The following VPS54 variants were observed in gnomAD, a reference collection of about 807,000 sequenced individuals.
VPS54 encodes vacuolar protein sorting-associated protein 54.
In VPS54, 45 loss-of-function variants were observed where a neutral mutation model predicts 121.5. That is an observed-to-expected ratio of 0.37 (90% CI 0.29 to 0.47). VPS54 has a LOEUF of 0.47. Among genes scored for constraint, VPS54 ranks in the 20% least tolerant of loss-of-function variants. VPS54 has a pLI of 0.99. For missense variants in VPS54, 1,090 were observed against 1,131.4 expected (o/e 0.96, Z 0.52); for synonymous variants, 371 against 385.8 (o/e 0.96, Z 0.45).
chr2:63,957,441 C>CAAAAAAAAAAAAAAAAAAAAAAAAA (rs10551633), intron 7 of VPS54, among the ~76,000 whole-genome samples: 1 of 90,118 alleles, frequency 1.1e-5, no homozygotes, highest in Non-Finnish European at 2.3e-5. Context: ...GACTCCATCT[C>CAAAAAAAAAAAAAAAAAAAAAAAAA]AAAAAAAAAA....
At chr2:63,947,812 C>T (rs1278514881) in intron 8 of VPS54, among the ~76,000 whole-genome samples, 1 of 152,056 alleles carries the variant, frequency 6.6e-6, no homozygotes, top group Admixed American at 6.6e-5. Flanking sequence ...ATAAATACTC[C>T]ATGGGCCCTG....
intron 20 of VPS54, among the ~76,000 whole-genome samples, chr2:63,905,504 C>A (rs1054553653): frequency 6.7e-6 from 1 of 150,026 alleles, no homozygotes; most frequent in Non-Finnish European, 1.5e-5. Flanking sequence ...CCACATAGTT[C>A]TATATGTATT....
chr2:63,948,250 A>AT (rs1675080596), intron 8 of VPS54, among the ~76,000 whole-genome samples: 1 of 148,550 alleles, frequency 6.7e-6, no homozygotes, highest in Non-Finnish European at 1.5e-5. Flanking sequence ...GGTTTCTGGG[A>AT]TTTTTTACTA....
intron 3 of VPS54, among the ~76,000 whole-genome samples, chr2:63,976,326 G>A (rs1347183359): frequency 2.0e-5 from 3 of 149,660 alleles, no homozygotes; most frequent in Non-Finnish European, 4.4e-5. Context: ...ACTCCAGCCT[G>A]GGCAACAGAG....
chr2:63,897,967 C>A (rs955006902), intron 21 of VPS54, among the ~76,000 whole-genome samples: 2 of 152,098 alleles, frequency 1.3e-5, no homozygotes, highest in Non-Finnish European at 2.9e-5. Context: ...GAAATCACTT[C>A]AAAGCATTTT....
At chr2:64,005,185 G>A (rs1243965614) in intron 1 of VPS54, among the ~76,000 whole-genome samples, 1 of 123,360 alleles carries the variant, frequency 8.1e-6, no homozygotes, top group African/African-American at 3.1e-5. Flanking sequence ...CTCACTGCAA[G>A]CTCCGCCTCC....
chr2:63,960,590 C>T (rs1053530995), intron 7 of VPS54, among the ~76,000 whole-genome samples: 3 of 152,274 alleles, frequency 2.0e-5, no homozygotes, highest in African/African-American at 7.2e-5. Flanking sequence ...TATTTCTCAG[C>T]TCTGTACTAT....
In VPS54 at chr2:63,892,787, A is replaced by G. The variant is rs1672276808; in HGVS notation, c.*643T>C. ...GCTTAAGTCTTTCAGGTATTTAGAG[A>G]GCTCTGGAAGGCTTTACCCAGTTGA... On this transcript the variant is annotated 3_prime_UTR_variant, in exon 23 of 23. Coordinates refer to ENST00000272322, the MANE Select transcript of VPS54 (RefSeq NM_016516.3). 1 of 152,238 alleles carries G rather than the reference A, an allele frequency of 6.6e-6. No individual in the cohort carries two copies. Among genetic ancestry groups the G allele is most frequent in the Non-Finnish European group, 1.5e-5 (1 of 68,016 alleles). 9.4% of individuals were successfully genotyped at this position (152,238 alleles called of 1,614,324 possible).
chr2:63,916,091 G>A (rs1439467646), intron 16 of VPS54, among the ~76,000 whole-genome samples: 1 of 152,112 alleles, frequency 6.6e-6, no homozygotes, highest in Non-Finnish European at 1.5e-5. Flanking sequence ...TTGAATTCTG[G>A]CTCCATTTGG....
intron 20 of VPS54, among the ~76,000 whole-genome samples, chr2:63,906,425 A>T (rs1341311969): frequency 1.3e-5 from 2 of 152,232 alleles, no homozygotes; most frequent in African/African-American, 4.8e-5. Flanking sequence ...ACCATGTACA[A>T]TAGCATCAAA....
intron 5 of VPS54, among the ~76,000 whole-genome samples, chr2:63,966,650 T>C (rs1350421183): frequency 4.6e-5 from 7 of 152,190 alleles, no homozygotes; most frequent in African/African-American, 9.7e-5. Flanking sequence ...AGTATAACTG[T>C]ATTAACTTCC....
At chr2:63,953,414 T>C (rs1289056087) in intron 7 of VPS54, among the ~76,000 whole-genome samples, 1 of 152,204 alleles carries the variant, frequency 6.6e-6, no homozygotes, top group East Asian at 1.9e-4. Context: ...ATTATAAGCA[T>C]GAGCCACGCT....
chr2:63,967,718 CAAA>C (rs56820620), intron 5 of VPS54, among the ~76,000 whole-genome samples: 4 of 52,992 alleles, frequency 7.5e-5, no homozygotes, highest in East Asian at 3.6e-4. Flanking sequence ...GACTCTGCCT[CAAA>C]AAAAAAAAAA....
At chr2:63,976,660 T>TAACAAGAAATTG (rs1337541038) in intron 3 of VPS54, among the ~76,000 whole-genome samples, 1 of 152,100 alleles carries the variant, frequency 6.6e-6, no homozygotes, top group Non-Finnish European at 1.5e-5. Context: ...TTGTGTAAGC[T>TAACAAGAAATTG]TTGGTAAATT....
At chr2:63,983,164 T>C (rs1411361899) in intron 2 of VPS54, among the ~76,000 whole-genome samples, 1 of 152,148 alleles carries the variant, frequency 6.6e-6, no homozygotes, top group Non-Finnish European at 1.5e-5. Context: ...TTTTTTTTTT[T>C]TTTTGAGAAA....
chr2:63,965,756 T>C, intron 6 of VPS54, 79 bp downstream of exon 6: 1 of 1,549,620 alleles, frequency 6.5e-7, no homozygotes, highest in East Asian at 2.3e-5. Flanking sequence ...GCTTACTAAA[T>C]AACTAAATCT....
chr2:63,904,697 C>T (rs1672834265), intron 20 of VPS54, among the ~76,000 whole-genome samples: 1 of 152,096 alleles, frequency 6.6e-6, no homozygotes, highest in Admixed American at 6.6e-5. Context: ...CCAACCAACA[C>T]CACTTAGTTG....
chr2:63,936,364 T>C (rs1052741038), intron 11 of VPS54, among the ~76,000 whole-genome samples: 10 of 152,062 alleles, frequency 6.6e-5, no homozygotes, highest in Non-Finnish European at 1.0e-4. Flanking sequence ...CATAATACTT[T>C]CAACAGTAGA....
chr2:63,915,085 A>G (rs900393549), intron 16 of VPS54, among the ~76,000 whole-genome samples: 1 of 129,136 alleles, frequency 7.7e-6, no homozygotes, highest in Non-Finnish European at 1.6e-5. Flanking sequence ...TGGGAGCCGG[A>G]GGTTGTGGTG....
Sources: gnomAD v4.1 joint callset for allele counts (sites outside exome capture counted in the v4.1 genomes callset) on GRCh38, gnomAD v4.1.1 for gene constraint, MANE v1.5 for transcripts, NCBI Gene and HGNC (gene_info 2026-07-23, HGNC 2026-07-21) for gene names.